The following IMPG1 variants were observed in gnomAD, a reference collection of about 807,000 sequenced individuals.
The protein encoded by IMPG1 is interphotoreceptor matrix proteoglycan of 150 kDa.
A neutral mutation model predicts 92.0 loss-of-function variants in IMPG1; 85 were observed. The ratio of observed to expected loss-of-function variants is 0.92; its 90% CI spans 0.78 to 1.11. The LOEUF (loss-of-function observed/expected upper bound fraction) is 1.11. Ranked by LOEUF, IMPG1 falls within the 50% of genes least tolerant of loss-of-function variation. IMPG1 has a pLI of 0.00. For synonymous variants in IMPG1, 367 were observed against 334.1 expected (o/e 1.10, Z -1.08); for missense variants, 1,022 against 956.0 (o/e 1.07, Z -0.91).
intron 12 of IMPG1, among the ~76,000 whole-genome samples, chr6:75,987,821 G>A (rs1415424718): frequency 6.6e-6 from 1 of 151,600 alleles, no homozygotes; most frequent in Non-Finnish European, 1.5e-5. Context: ...ATTTTTTTTT[G>A]TAATTTTACT....
At chr6:75,932,203 TC>T (rs1781678635) in intron 14 of IMPG1, among the ~76,000 whole-genome samples, 1 of 152,226 alleles carries the variant, frequency 6.6e-6, no homozygotes, top group African/African-American at 2.4e-5. Flanking sequence ...CTCACGGCCA[TC>T]CCTTCGTGGA....
intron 12 of IMPG1, among the ~76,000 whole-genome samples, chr6:75,969,642 A>G (rs749164169): frequency 2.0e-5 from 3 of 152,044 alleles, no homozygotes; most frequent in Non-Finnish European, 4.4e-5. Flanking sequence ...TTGAGGCAGG[A>G]GAATTGCTGG....
intron 14 of IMPG1, chr6:75,935,048 T>C (rs1361407334): frequency 4.3e-6 from 2 of 469,622 alleles, no homozygotes; most frequent in Non-Finnish European, 4.4e-6. Flanking sequence ...GTTGGGTCTC[T>C]CTTTCGTGGA....
chr6:75,981,572 A>G (rs1406856122), intron 12 of IMPG1, among the ~76,000 whole-genome samples: 2 of 152,210 alleles, frequency 1.3e-5, no homozygotes, highest in Non-Finnish European at 2.9e-5. Context: ...ATGTTAATGG[A>G]ATATAAATCC....
chr6:76,012,878 G>A (rs1783212161), intron 7 of IMPG1, among the ~76,000 whole-genome samples: 1 of 152,112 alleles, frequency 6.6e-6, no homozygotes, highest in Non-Finnish European at 1.5e-5. Context: ...GCCTCAGACA[G>A]GGTCATGAAC....
At chr6:75,988,136 T>C (rs1473130374) in intron 12 of IMPG1, among the ~76,000 whole-genome samples, 1 of 152,218 alleles carries the variant, frequency 6.6e-6, no homozygotes, top group African/African-American at 2.4e-5. Flanking sequence ...GGTATATACC[T>C]ACTAATGGGA....
intron 12 of IMPG1, among the ~76,000 whole-genome samples, chr6:75,956,171 G>C (rs554741711): frequency 2.0e-5 from 3 of 152,170 alleles, no homozygotes; most frequent in African/African-American, 7.2e-5. Flanking sequence ...CAGAAGGAAT[G>C]GTACCAGTTC....
At chr6:76,068,073 C>A (rs1342221116) in intron 1 of IMPG1, among the ~76,000 whole-genome samples, 1 of 152,168 alleles carries the variant, frequency 6.6e-6, no homozygotes, top group Admixed American at 6.6e-5. Context: ...AAACCCACAG[C>A]TAACATCGTA....
intron 1 of IMPG1, among the ~76,000 whole-genome samples, chr6:76,054,438 G>T (rs956917283): frequency 6.6e-6 from 1 of 152,046 alleles, no homozygotes; most frequent in Non-Finnish European, 1.5e-5. Flanking sequence ...TGGACGAAAC[G>T]CACCTGTTAA....
chr6:76,052,000 A>C (rs73468838), intron 1 of IMPG1, among the ~76,000 whole-genome samples: 1 of 152,148 alleles, frequency 6.6e-6, no homozygotes, highest in East Asian at 1.9e-4. Context: ...AAAAAGAAAG[A>C]AAAGGAAGAA....
intron 7 of IMPG1, among the ~76,000 whole-genome samples, chr6:76,011,709 A>G (rs1038701269): frequency 4.0e-5 from 6 of 148,220 alleles, no homozygotes; most frequent in Non-Finnish European, 9.0e-5. Flanking sequence ...AGCATTAGGT[A>G]TATCTCCCAA....
chr6:76,038,321 G>C (rs1361313490), intron 2 of IMPG1, among the ~76,000 whole-genome samples: 1 of 152,168 alleles, frequency 6.6e-6, no homozygotes, highest in African/African-American at 2.4e-5. Flanking sequence ...GTCTGAAGTT[G>C]CTTGAAAAAT....
At chr6:75,983,564 C>CA (rs1221953471) in intron 12 of IMPG1, among the ~76,000 whole-genome samples, 4 of 152,102 alleles carry the variant, frequency 2.6e-5, no homozygotes, top group Non-Finnish European at 5.9e-5. Context: ...ACACCATATA[C>CA]AAAAATCAAC....
chr6:76,002,862 G>T, intron 12 of IMPG1, 56 bp downstream of exon 12: 1 of 1,324,958 alleles, frequency 7.5e-7, no homozygotes, highest in Non-Finnish European at 1.1e-6. Flanking sequence ...TATCATAATG[G>T]GATTCCTCAA....
intron 16 of IMPG1, among the ~76,000 whole-genome samples, chr6:75,923,379 A>G (rs984409812): frequency 9.2e-5 from 14 of 152,116 alleles, no homozygotes; most frequent in South Asian, 4.1e-4. Flanking sequence ...GTATATTTTT[A>G]TAAGAAAAGA....
intron 12 of IMPG1, among the ~76,000 whole-genome samples, chr6:75,982,385 G>A (rs1261790535): frequency 6.6e-6 from 1 of 151,794 alleles, no homozygotes; most frequent in African/African-American, 2.4e-5. Flanking sequence ...TACTAAAAGT[G>A]CAAAAATTAG....
At position 75,924,747 on chromosome 6, in the gene IMPG1, A is replaced by AAT. The variant is rs71002779; in HGVS notation, c.2244-1042_2244-1041insAT. ...TATAATTATATATAATATATAATATATAATATATCATATAATTATATATAA... is the reference window on the plus strand; with the variant it reads ...TATAATTATATATAATATATAATATAATTAATATATCATATAATTATATATAA... On this transcript the variant is annotated intron_variant, in intron 15 of 16. Transcript: ENST00000369950. Among the ~76,000 whole-genome samples, 3 of 72,246 alleles carry AAT rather than the reference A, an allele frequency of 4.2e-5. 1 individual carries two copies. The highest frequency in any genetic ancestry group is 5.2e-5 in the African/African-American group (1 of 19,414). 47.4% of individuals were successfully genotyped at this position (72,246 alleles called of 152,430 possible).
intron 11 of IMPG1, 44 bp from the exon 12 acceptor site, chr6:76,003,040 T>C (rs766017144): frequency 1.4e-6 from 2 of 1,387,740 alleles, no homozygotes; most frequent in Admixed American, 3.4e-5. Context: ...AAAGGATGTT[T>C]GTATGTATAT....
At chr6:76,038,786 A>G (rs983948998) in intron 2 of IMPG1, among the ~76,000 whole-genome samples, 1 of 152,186 alleles carries the variant, frequency 6.6e-6, no homozygotes, top group African/African-American at 2.4e-5. Context: ...ACAGAACATC[A>G]GCTTCTCTGT....
Sources: gnomAD v4.1 joint callset for allele counts (sites outside exome capture counted in the v4.1 genomes callset) on GRCh38, gnomAD v4.1.1 for gene constraint, MANE v1.5 for transcripts, NCBI Gene and HGNC (gene_info 2026-07-23, HGNC 2026-07-21) for gene names.